MIR2052HG: variants seen among roughly 807,000 people sequenced by gnomAD.
MIR2052HG encodes MIR2052 host gene.
rs371299033 is a variant in MIR2052HG at position 74,613,642 on chromosome 8, C to T, written n.216+702C>T. 1.4e-4 allele frequency among the ~76,000 whole-genome samples: 22 copies of T among 152,284 alleles called. No individual in the cohort carries two copies. In the East Asian group the frequency reaches 2.7e-3, roughly 19 times the overall value. On this transcript the variant is annotated intron_variant and non_coding_transcript_variant, in intron 2 of 6. Transcript: ENST00000523442. ...CTGGGATTACAGGCACCCACCACCA[C>T]GCCCGGCTAATTTTTGTATTTTTTA...
At chr8:74,612,210 A>G (rs896359339) in intron 1 of MIR2052HG, among the ~76,000 whole-genome samples, 3 of 152,194 alleles carry the variant, frequency 2.0e-5, no homozygotes, top group African/African-American at 4.8e-5. Context: ...ACAATGTTCC[A>G]TTCCCAGCAC....
intron 2 of MIR2052HG, among the ~76,000 whole-genome samples, chr8:74,628,590 G>A (rs181798098): frequency 1.7e-4 from 26 of 152,224 alleles, no homozygotes; most frequent in Non-Finnish European, 5.9e-5. Context: ...GGCGACTTCT[G>A]ATTAGTCTGG....
chr8:74,636,311 A>G (rs544079963), intron 2 of MIR2052HG, among the ~76,000 whole-genome samples: 1 of 152,286 alleles, frequency 6.6e-6, no homozygotes, highest in Admixed American at 6.5e-5. Flanking sequence ...TGGTGCTCCA[A>G]TAATCCACCA....
chr8:74,616,151 T>C (rs916821074), intron 2 of MIR2052HG, among the ~76,000 whole-genome samples: 1 of 152,026 alleles, frequency 6.6e-6, no homozygotes, highest in Non-Finnish European at 1.5e-5. Flanking sequence ...CTGGGTCAAA[T>C]GGTATTTCTA....
intron 2 of MIR2052HG, among the ~76,000 whole-genome samples, chr8:74,652,964 G>A (rs1226454060): frequency 6.6e-6 from 1 of 152,284 alleles, no homozygotes; most frequent in South Asian, 2.1e-4. Context: ...TAGTTAGCAT[G>A]CCATAACAAA....
chr8:74,624,904 G>C (rs975645772), intron 2 of MIR2052HG, among the ~76,000 whole-genome samples: 1 of 152,132 alleles, frequency 6.6e-6, no homozygotes, highest in Non-Finnish European at 1.5e-5. Context: ...ATTTAGCTGC[G>C]AAGGAGTTAA....
intron 2 of MIR2052HG, among the ~76,000 whole-genome samples, chr8:74,631,003 A>T (rs983855387): frequency 6.6e-6 from 1 of 152,250 alleles, no homozygotes; most frequent in Admixed American, 6.5e-5. Context: ...CTTAAAGGCA[A>T]ATATCGTTCT....
chr8:74,678,473 G>T (rs1409023249), intron 2 of MIR2052HG, among the ~76,000 whole-genome samples: 3 of 145,796 alleles, frequency 2.1e-5, no homozygotes, highest in Non-Finnish European at 3.0e-5. Context: ...GGAGACAGGA[G>T]AATCGCTTGA....
chr8:74,683,743 A>G (rs1809150069), intron 2 of MIR2052HG, among the ~76,000 whole-genome samples: 1 of 152,110 alleles, frequency 6.6e-6, no homozygotes, highest in South Asian at 2.1e-4. Flanking sequence ...GTGATAATCA[A>G]TTTTATCTTT....
At chr8:74,631,168 G>A (rs2128734140) in intron 2 of MIR2052HG, among the ~76,000 whole-genome samples, 1 of 152,254 alleles carries the variant, frequency 6.6e-6, no homozygotes, top group East Asian at 1.9e-4. Context: ...CCTCATTCAG[G>A]CCACTCTAAC....
chr8:74,727,035 C>G (rs1809644470), intron 4 of MIR2052HG, among the ~76,000 whole-genome samples: 1 of 152,200 alleles, frequency 6.6e-6, no homozygotes, highest in Non-Finnish European at 1.5e-5. Flanking sequence ...TCTGTACAGA[C>G]AAATTCAACC....
intron 1 of MIR2052HG, among the ~76,000 whole-genome samples, chr8:74,610,965 A>C (rs1808186544): frequency 6.6e-6 from 1 of 152,084 alleles, no homozygotes. Context: ...CATAATTCAC[A>C]AAATAAAACA....
chr8:74,677,834 AT>A (rs1809071321), intron 2 of MIR2052HG, among the ~76,000 whole-genome samples: 2 of 152,156 alleles, frequency 1.3e-5, no homozygotes, highest in South Asian at 4.1e-4. Flanking sequence ...AGTAAAAAAA[AT>A]TTATAAACTA....
chr8:74,673,300 A>G (rs74659956), intron 2 of MIR2052HG, among the ~76,000 whole-genome samples: 2,616 of 152,126 alleles, frequency 0.017, 35 homozygotes, highest in African/African-American at 0.035. Flanking sequence ...TGCTAGTTTA[A>G]TGAGTCCTTA....
At chr8:74,676,547 A>G (rs1265208687) in intron 2 of MIR2052HG, among the ~76,000 whole-genome samples, 1 of 151,958 alleles carries the variant, frequency 6.6e-6, no homozygotes, top group Admixed American at 6.6e-5. Context: ...AATCCAAAAA[A>G]TACAAGAGAG....
chr8:74,603,814 T>A, intron 1 of MIR2052HG: 1 of 837,584 alleles, frequency 1.2e-6, no homozygotes, highest in Non-Finnish European at 2.1e-6. Context: ...AGTGATGGCC[T>A]GCTCAGTTGA....
At chr8:74,740,563 A>C (rs573266787) in intron 4 of MIR2052HG, among the ~76,000 whole-genome samples, 1 of 152,358 alleles carries the variant, frequency 6.6e-6, no homozygotes, top group South Asian at 2.1e-4. Context: ...AGTAGCTTAT[A>C]GTTCATTATG....
intron 2 of MIR2052HG, among the ~76,000 whole-genome samples, chr8:74,672,437 G>A (rs923649670): frequency 6.6e-6 from 1 of 152,080 alleles, no homozygotes; most frequent in African/African-American, 2.4e-5. Context: ...GGAATCTTGG[G>A]CTGTTCTGGA....
In MIR2052HG at chr8:74,708,585, T is replaced by C. The variant is rs184217645; in HGVS notation, n.371+4903T>C. ...CTTGGACCCCCTCCTTTGTTACTCT[T>C]CTCACTCGTTAAATGAAAGCATATT... On this transcript the variant is annotated intron_variant and non_coding_transcript_variant, in intron 4 of 6. Transcript: ENST00000523442. Among the ~76,000 whole-genome samples, 44 of 152,194 alleles carry C rather than the reference T, an allele frequency of 2.9e-4. No individual in the cohort carries two copies. In the Middle Eastern group the frequency reaches 0.014, roughly 47 times the overall value.
Sources: gnomAD v4.1 joint callset for allele counts (sites outside exome capture counted in the v4.1 genomes callset) on GRCh38, gnomAD v4.1.1 for gene constraint, MANE v1.5 for transcripts, NCBI Gene and HGNC (gene_info 2026-07-23, HGNC 2026-07-21) for gene names.